The following WNK1 variants were observed in gnomAD, a reference collection of about 807,000 sequenced individuals.
WNK1 encodes serine/threonine-protein kinase WNK1.
Under a neutral mutation model 222.8 loss-of-function variants are expected in WNK1, and 38 were observed. That is an observed-to-expected ratio of 0.17 (90% CI 0.13 to 0.22). The LOEUF is 0.22. WNK1 is among the 10% of genes least tolerant of loss of function. WNK1 has a pLI of 1.00. For synonymous variants in WNK1, 1,090 were observed against 1,092.9 expected (o/e 1.00, Z 0.05); for missense variants, 2,348 against 2,918.4 (o/e 0.80, Z 4.50).
intron 8 of WNK1, among the ~76,000 whole-genome samples, chr12:870,371 A>C (rs1184551535): frequency 1.3e-5 from 2 of 152,238 alleles, no homozygotes; most frequent in Non-Finnish European, 2.9e-5. Context: ...ATTTATAGAC[A>C]TACTACAGAA....
intron 6 of WNK1, among the ~76,000 whole-genome samples, 168 bp downstream of exon 6, chr12:859,632 G>GTGTGTGTGTGTGTGTGTGTGGT (rs369513114): frequency 2.4e-5 from 3 of 122,640 alleles, no homozygotes; most frequent in African/African-American, 8.9e-5. Context: ...GTGTGTGTGT[G>GTGTGTGTGTGTGTGTGTGTGGT]TTTTTTTTTT....
intron 8 of WNK1, among the ~76,000 whole-genome samples, chr12:865,690 A>C (rs1310471518): frequency 1.3e-5 from 2 of 152,200 alleles, no homozygotes; most frequent in Admixed American, 1.3e-4. Flanking sequence ...AAAAGGATTA[A>C]TTTTAAAGTT....
intron 15 of WNK1, 127 bp from the exon 16 acceptor site, chr12:883,268 G>A (rs951838741): frequency 1.0e-5 from 12 of 1,182,152 alleles, no homozygotes; most frequent in African/African-American, 4.6e-5. Flanking sequence ...CTTAAAAAGA[G>A]AAGAGCTAAC....
intron 1 of WNK1, among the ~76,000 whole-genome samples, chr12:765,589 G>GTTTTATTAGAC (rs1941593886): frequency 8.3e-6 from 1 of 120,050 alleles, no homozygotes. Flanking sequence ...AATTCTTTTG[G>GTTTTATTAGAC]AATGTGCTAT....
intron 1 of WNK1, among the ~76,000 whole-genome samples, chr12:805,590 C>T (rs1385027188): frequency 1.3e-5 from 2 of 152,126 alleles, no homozygotes; most frequent in Non-Finnish European, 2.9e-5. Context: ...TTATAAATAA[C>T]TTAGTCTTAT....
intron 2 of WNK1, among the ~76,000 whole-genome samples, chr12:819,673 T>C (rs1237667579): frequency 6.6e-6 from 1 of 152,214 alleles, no homozygotes; most frequent in Non-Finnish European, 1.5e-5. Flanking sequence ...TATCCCTAAG[T>C]TTTCTTCTAA....
At chr12:825,712 G>C (rs1253657474) in intron 2 of WNK1, among the ~76,000 whole-genome samples, 3 of 151,930 alleles carry the variant, frequency 2.0e-5, no homozygotes, top group Non-Finnish European at 4.4e-5. Flanking sequence ...TAAAGACATA[G>C]AAATTACAAA....
intron 1 of WNK1, among the ~76,000 whole-genome samples, chr12:793,517 C>T (rs947475083): frequency 6.6e-6 from 1 of 152,052 alleles, no homozygotes. Context: ...AGGTTGATAA[C>T]AGTTTTCAAA....
chr12:876,814 T>G (rs1952656818), intron 9 of WNK1, among the ~76,000 whole-genome samples: 1 of 152,062 alleles, frequency 6.6e-6, no homozygotes, highest in Non-Finnish European at 1.5e-5. Context: ...TTTGTTTTGT[T>G]TATTTTAACA....
intron 26 of WNK1, chr12:904,419 T>C (rs1425461727): frequency 7.8e-7 from 1 of 1,287,454 alleles, no homozygotes; most frequent in Non-Finnish European, 1.0e-6. Context: ...TGTTTCTTTA[T>C]CTTTAACACA....
chr12:890,629 G>A (rs1954132420), intron 22 of WNK1, 116 bp downstream of exon 22: 2 of 1,026,882 alleles, frequency 1.9e-6, no homozygotes, highest in Admixed American at 1.9e-5. Context: ...GAGGAGCATT[G>A]GTAGTAATAT....
At chr12:813,086 T>C (rs537716311) in intron 1 of WNK1, among the ~76,000 whole-genome samples, 1 of 152,206 alleles carries the variant, frequency 6.6e-6, no homozygotes, top group South Asian at 2.1e-4. Context: ...ATTAAAAAAT[T>C]AGCCGGGCAA....
Position 773,589 on chromosome 12 carries a change from A to G in WNK1, c.759+19265A>G, listed in dbSNP as rs138569255. Among the ~76,000 whole-genome samples, 883 of 152,332 alleles carry G rather than the reference A, an allele frequency of 5.8e-3. 10 individuals carry two copies. The highest frequency in any genetic ancestry group is 0.02 in the African/African-American group (832 of 41,586). On this transcript the variant is annotated intron_variant, in intron 1 of 27. Coordinates refer to ENST00000315939, the MANE Select transcript of WNK1 (RefSeq NM_018979.4). ...CATCACTAAAAGACAATGTCGATAT[A>G]GCATTTAGAATGTTTGCCTGTTCCT...
At chr12:754,612 C>G (rs1300141901) in intron 1 of WNK1, among the ~76,000 whole-genome samples, 2 of 152,170 alleles carry the variant, frequency 1.3e-5, no homozygotes, top group East Asian at 1.9e-4. Flanking sequence ...TGGCAGGAAA[C>G]TTGGAATGAG....
chr12:759,246 G>A (rs1940662399), intron 1 of WNK1, among the ~76,000 whole-genome samples: 1 of 146,874 alleles, frequency 6.8e-6, no homozygotes, highest in African/African-American at 2.4e-5. Flanking sequence ...CATAATTACC[G>A]TTAGTACACC....
chr12:903,836 T>C (rs1294270759), intron 26 of WNK1, among the ~76,000 whole-genome samples: 1 of 152,192 alleles, frequency 6.6e-6, no homozygotes, highest in East Asian at 1.9e-4. Context: ...GCTCTCAAAA[T>C]AGATAATGGT....
chr12:777,065 C>G (rs955487688), intron 1 of WNK1, among the ~76,000 whole-genome samples: 2 of 151,774 alleles, frequency 1.3e-5, no homozygotes, highest in Non-Finnish European at 2.9e-5. Flanking sequence ...TAAACTCATT[C>G]CATGATGTGC....
At chr12:859,899 A>G (rs1316532431) in intron 6 of WNK1, among the ~76,000 whole-genome samples, 2 of 151,922 alleles carry the variant, frequency 1.3e-5, no homozygotes, top group Non-Finnish European at 2.9e-5. Context: ...TATTTTTAGT[A>G]TAGACAGGGT....
chr12:900,888 CA>C (rs376691500), intron 26 of WNK1: 77 of 631,972 alleles, frequency 1.2e-4, no homozygotes, highest in African/African-American at 1.2e-3. Context: ...CAAGGAATTA[CA>C]GTGAAAAGTT....
Sources: gnomAD v4.1 joint callset for allele counts (sites outside exome capture counted in the v4.1 genomes callset) on GRCh38, gnomAD v4.1.1 for gene constraint, MANE v1.5 for transcripts, NCBI Gene and HGNC (gene_info 2026-07-23, HGNC 2026-07-21) for gene names.